The following ZNF732 variants were observed in gnomAD, a reference collection of about 807,000 sequenced individuals.
The protein encoded by ZNF732 is zinc finger protein LOC654254.
ZNF732 carries 12 observed loss-of-function variants against 11.5 expected under a neutral mutation model. The observed-to-expected ratio is 1.05, with a 90% CI of 0.67 to 1.70. ZNF732 has a LOEUF of 1.70. ZNF732 is among the 40% of genes most tolerant of loss of function. The probability of loss-of-function intolerance (pLI) is 0.00; values close to 1 mark genes in which losing one functional copy is unlikely to be tolerated. For synonymous variants in ZNF732, 231 were observed against 236.5 expected, an observed-to-expected ratio of 0.98 and a Z score of 0.21; for missense variants, 702 against 676.9, an observed-to-expected ratio of 1.04 and a Z score of -0.41.
chr4:302,173 T>A (rs1581551816), intron 1 of ZNF732, among the ~76,000 whole-genome samples: 1 of 152,174 alleles, frequency 6.6e-6, no homozygotes, highest in African/African-American at 2.4e-5. Context: ...GTGAGTGGAA[T>A]CCTGAGAAAG....
In ZNF732 at chr4:295,549, A is replaced by C; in HGVS notation, c.131-16T>G. The C allele has an allele frequency of 6.3e-7, 1 of 1,593,490 alleles. No individual in the cohort carries two copies. The highest frequency in any genetic ancestry group is 8.6e-7 in the Non-Finnish European group (1 of 1,166,058). On this transcript the variant is annotated splice_polypyrimidine_tract_variant and intron_variant, in intron 2 of 3. Coordinates refer to ENST00000419098, the MANE Select transcript of ZNF732 (RefSeq NM_001137608.3). ...ATAGCAACACCTGTTTATTTTAAAA[A>C]ATTAACATGCTACTGTTAGGGATTC...
intron 1 of ZNF732, among the ~76,000 whole-genome samples, chr4:299,270 G>A (rs1581548362): frequency 6.6e-6 from 1 of 150,870 alleles, no homozygotes; most frequent in Admixed American, 6.6e-5. Flanking sequence ...GTTTATTTGG[G>A]CCAAAACTTG....
intron 3 of ZNF732, among the ~76,000 whole-genome samples, chr4:279,160 C>G: frequency 6.6e-6 from 1 of 151,822 alleles, no homozygotes; most frequent in East Asian, 1.9e-4. Context: ...ACATGGGGGC[C>G]GGGTGCAGTG....
In ZNF732 at chr4:299,373, A is replaced by G. The variant is rs896135504; in HGVS notation, c.4-3218T>C. ...TATACACATATATACACATATGTGT[A>G]TATATATATACACATATGTACACAT... On this transcript the variant is annotated intron_variant, in intron 1 of 3. Transcript: ENST00000419098. 8.2e-3 allele frequency among the ~76,000 whole-genome samples: 445 copies of G among 54,038 alleles called. 22 individuals carry two copies. The highest frequency in any genetic ancestry group is 0.028 in the African/African-American group (404 of 14,392). 35.5% of individuals were successfully genotyped at this position (54,038 alleles called of 152,430 possible).
At position 299,424 on chromosome 4, in the gene ZNF732, TAC is replaced by T. The variant is rs1720043531; in HGVS notation, c.4-3271_4-3270del. Among the ~76,000 whole-genome samples, 3 of 98,096 alleles carry T rather than the reference TAC, an allele frequency of 3.1e-5. 1 individual carries two copies. Among genetic ancestry groups the T allele is most frequent in the Non-Finnish European group, 5.9e-5 (3 of 50,870 alleles). 64.4% of individuals were successfully genotyped at this position (98,096 alleles called of 152,430 possible). On this transcript the variant is annotated intron_variant, in intron 1 of 3. Transcript: ENST00000419098. ...ATGTGTATATATATATACACATATA[TAC>T]ACATATGTGTATATATATATATATA...
intron 1 of ZNF732, among the ~76,000 whole-genome samples, chr4:299,224 C>T (rs1209834237): frequency 4.0e-5 from 6 of 151,164 alleles, no homozygotes; most frequent in Non-Finnish European, 8.8e-5. Context: ...ATATTTTGAC[C>T]TAAAAGGAAA....
At chr4:297,554 A>T (rs1329233938) in intron 1 of ZNF732, among the ~76,000 whole-genome samples, 1 of 145,376 alleles carries the variant, frequency 6.9e-6, no homozygotes, top group African/African-American at 2.5e-5. Context: ...GAAACAAAGG[A>T]TGTATTAAAT....
At chr4:292,599 TAAGA>T (rs2108658230) in intron 3 of ZNF732, among the ~76,000 whole-genome samples, 1 of 149,592 alleles carries the variant, frequency 6.7e-6, no homozygotes, top group African/African-American at 2.5e-5. Context: ...CCGAAATGTA[TAAGA>T]AACTTATACA....
chr4:286,399 C>CA (rs200430395), intron 3 of ZNF732, among the ~76,000 whole-genome samples: 1,976 of 152,204 alleles, frequency 0.013, 23 homozygotes, highest in Middle Eastern at 0.061. Context: ...GCATCATCTA[C>CA]AAAACTGAAA....
chr4:297,607 TA>T (rs57681246), intron 1 of ZNF732, among the ~76,000 whole-genome samples: 9,751 of 100,736 alleles, frequency 0.097, 368 homozygotes, highest in Middle Eastern at 0.16. Flanking sequence ...TTAAGATTTG[TA>T]AAAAAAAAAA....
At chr4:273,987 C>T (rs1416342682) in intron 3 of ZNF732, among the ~76,000 whole-genome samples, 2 of 151,480 alleles carry the variant, frequency 1.3e-5, no homozygotes, top group Admixed American at 6.6e-5. Flanking sequence ...TAGCACAACA[C>T]GTCTTACCAA....
rs191638341 is a variant in ZNF732, at chr4:293,411, T to G, written c.226+2027A>C. 5.0e-3 allele frequency among the ~76,000 whole-genome samples: 760 copies of G among 151,796 alleles called. 13 individuals are homozygous for G. Among genetic ancestry groups the G allele is most frequent in the African/African-American group, 0.017 (707 of 41,378 alleles). On this transcript the variant is annotated intron_variant, in intron 3 of 3. Transcript: ENST00000419098. The stretch of plus-strand genomic sequence containing the variant: ...TGGATAGACCTGGAGGAAATGATGC[T>G]AAATGAAATTAGCCAAACACAGAGA...
At chr4:299,376 TATATATACAC>T (rs1720034323) in intron 1 of ZNF732, among the ~76,000 whole-genome samples, 1 of 63,602 alleles carries the variant, frequency 1.6e-5, no homozygotes, top group Non-Finnish European at 3.7e-5. Flanking sequence ...TATGTGTATA[TATATATACAC>T]ATATGTACAC....
chr4:292,799 C>T (rs543339402), intron 3 of ZNF732, among the ~76,000 whole-genome samples: 2 of 145,574 alleles, frequency 1.4e-5, no homozygotes, highest in Non-Finnish European at 3.0e-5. Flanking sequence ...GTAATCCCAA[C>T]ACTTTGGGAG....
At position 270,724 on chromosome 4, in the gene ZNF732, G is replaced by A. The variant is rs2108650208; in HGVS notation, c.*375C>T. Reference sequence around the variant, plus strand: ...ATGAATTTTCTCATGTTTATTTATGGGTGAGGACCGTTTATAGGCTTTCCC... The same window carrying A: ...ATGAATTTTCTCATGTTTATTTATGAGTGAGGACCGTTTATAGGCTTTCCC... On this transcript the variant is annotated 3_prime_UTR_variant, in exon 4 of 4. Transcript: ENST00000419098. 2.4e-6 allele frequency: 1 copy of A among 417,736 alleles called. No homozygotes were observed. Among genetic ancestry groups the A allele is most frequent in the East Asian group, 5.5e-5 (1 of 18,146 alleles). The allele number at this position is 417,736 out of a possible 1,614,324, so 25.9% of individuals were successfully genotyped here.
chr4:305,357 A>G lies in ZNF732; in HGVS notation c.-47T>C, dbSNP rs1553844299. ...CGGAGTCTCAGCTACGAATCATCCA[A>G]TACCCGCAGGTCACAGAGCGACGGA... On this transcript the variant is annotated 5_prime_UTR_variant, in exon 1 of 4. Coordinates refer to ENST00000419098, the MANE Select transcript of ZNF732 (RefSeq NM_001137608.3). 1 of 1,606,420 alleles carries G rather than the reference A, an allele frequency of 6.2e-7. No individual in the cohort carries two copies. Among genetic ancestry groups the G allele is most frequent in the Non-Finnish European group, 8.5e-7 (1 of 1,179,562 alleles).
intron 3 of ZNF732, among the ~76,000 whole-genome samples, chr4:287,062 A>G (rs1719745981): frequency 6.6e-6 from 1 of 151,886 alleles, no homozygotes; most frequent in Non-Finnish European, 1.5e-5. Context: ...GAGGCAGGAG[A>G]ATGGCGTGAA....
At chr4:293,067 C>CAAAAAA (rs1227557602) in intron 3 of ZNF732, among the ~76,000 whole-genome samples, 6 of 35,126 alleles carry the variant, frequency 1.7e-4, no homozygotes, top group African/African-American at 2.1e-4. Flanking sequence ...GACTCCATCT[C>CAAAAAA]AAAAAAAAAA....
chr4:270,992 G>T lies in ZNF732; in HGVS notation c.*107C>A. 1.0e-6 allele frequency: 1 copy of T among 995,226 alleles called. No individual in the cohort carries two copies. Among genetic ancestry groups the T allele is most frequent in the Non-Finnish European group, 1.5e-6 (1 of 664,014 alleles). 61.6% of individuals were successfully genotyped at this position (995,226 alleles called of 1,614,324 possible). A position where few individuals can be genotyped will look rare whatever the true frequency, so the allele number is the denominator to read the frequency against. ...ATTCAGGGTTGTGGACCATCCAAAA[G>T]CTTTGCCACATTCTTCACATTTGTA... On this transcript the variant is annotated 3_prime_UTR_variant, in exon 4 of 4. Transcript: ENST00000419098.
Sources: allele counts gnomAD v4.1 joint callset (sites outside exome capture counted in the v4.1 genomes callset), GRCh38; gene constraint gnomAD v4.1.1; transcripts MANE v1.5; gene names NCBI Gene and HGNC (gene_info 2026-07-23, HGNC 2026-07-21).